RORB: variants seen among roughly 807,000 people sequenced by gnomAD.
The protein encoded by RORB is RAR related orphan receptor B.
RORB carries 6 observed loss-of-function variants against 59.1 expected under a neutral mutation model. The ratio of observed to expected loss-of-function variants is 0.10; its 90% confidence interval spans 0.06 to 0.20. RORB has a LOEUF of 0.20. Ranked by LOEUF, RORB falls within the 10% of genes least tolerant of loss-of-function variation. RORB has a pLI of 1.00. For synonymous variants in RORB, 215 were observed against 204.5 expected (o/e 1.05, Z -0.44); for missense variants, 320 against 560.5 (o/e 0.57, Z 4.33).
At chr9:74,585,760 T>C (rs1312757785) in intron 1 of RORB, among the ~76,000 whole-genome samples, 1 of 131,062 alleles carries the variant, frequency 7.6e-6, no homozygotes, top group East Asian at 2.3e-4. Context: ...TTTAAAAATC[T>C]ACACAGCACT....
intron 1 of RORB, among the ~76,000 whole-genome samples, chr9:74,529,775 G>A (rs182894794): frequency 4.6e-4 from 70 of 151,816 alleles, no homozygotes; most frequent in Admixed American, 8.5e-4. Context: ...TAGCTCCCTG[G>A]TTTCTGTCCT....
At chr9:74,517,883 C>T (rs571939424) in intron 1 of RORB, among the ~76,000 whole-genome samples, 1 of 152,158 alleles carries the variant, frequency 6.6e-6, no homozygotes, top group South Asian at 2.1e-4. Context: ...GTGCTAAATA[C>T]TTCATGTGAA....
At chr9:74,593,994 A>G (rs1406817428) in intron 1 of RORB, among the ~76,000 whole-genome samples, 2 of 152,188 alleles carry the variant, frequency 1.3e-5, no homozygotes, top group African/African-American at 2.4e-5. Flanking sequence ...AAAATTATGT[A>G]ATATATTTTA....
chr9:74,656,041 C>A (rs776018121), intron 4 of RORB, among the ~76,000 whole-genome samples: 25 of 152,282 alleles, frequency 1.6e-4, no homozygotes, highest in Admixed American at 1.4e-3. Context: ...AATAATTTTG[C>A]ATGCTTACCA....
intron 1 of RORB, among the ~76,000 whole-genome samples, chr9:74,559,147 A>T (rs1325075063): frequency 4.6e-5 from 7 of 152,236 alleles, no homozygotes; most frequent in Non-Finnish European, 1.0e-4. Flanking sequence ...GCAAGAGGCA[A>T]AATATATAAA....
intron 9 of RORB, among the ~76,000 whole-genome samples, chr9:74,682,008 T>C (rs958546137): frequency 6.6e-6 from 1 of 152,174 alleles, no homozygotes; most frequent in African/African-American, 2.4e-5. Flanking sequence ...TAAGCTGGCT[T>C]CCTGCCTTCC....
chr9:74,681,914 T>C (rs547906497), intron 9 of RORB, among the ~76,000 whole-genome samples: 176 of 152,320 alleles, frequency 1.2e-3, no homozygotes, highest in African/African-American at 4.2e-3. Context: ...ATTTTGCTTT[T>C]TCATTTCAAT....
At chr9:74,528,820 G>A (rs1826192905) in intron 1 of RORB, among the ~76,000 whole-genome samples, 1 of 151,942 alleles carries the variant, frequency 6.6e-6, no homozygotes, top group African/African-American at 2.4e-5. Flanking sequence ...TCTATCCCAG[G>A]CACTGGATAG....
intron 1 of RORB, among the ~76,000 whole-genome samples, chr9:74,532,235 C>T (rs995645748): frequency 2.6e-5 from 4 of 151,964 alleles, no homozygotes; most frequent in African/African-American, 9.7e-5. Flanking sequence ...TCAACAGTCA[C>T]ATCACATAGA....
chr9:74,633,351 T>C (rs1024340512), intron 2 of RORB, among the ~76,000 whole-genome samples: 2 of 152,194 alleles, frequency 1.3e-5, no homozygotes, highest in African/African-American at 4.8e-5. Context: ...AGAAGCTGTT[T>C]GAGGGAAGTC....
At chr9:74,590,957 A>G (rs922042201) in intron 1 of RORB, among the ~76,000 whole-genome samples, 10 of 151,944 alleles carry the variant, frequency 6.6e-5, no homozygotes, top group Non-Finnish European at 1.5e-4. Context: ...CACCAGGCCC[A>G]GCTAACTTTT....
At chr9:74,516,633 G>A (rs1178905376) in intron 1 of RORB, among the ~76,000 whole-genome samples, 1 of 151,970 alleles carries the variant, frequency 6.6e-6, no homozygotes, top group African/African-American at 2.4e-5. Flanking sequence ...GAGGAGTCAA[G>A]CATGAAGCAG....
intron 1 of RORB, among the ~76,000 whole-genome samples, chr9:74,619,324 A>G (rs1823367194): frequency 6.6e-6 from 1 of 152,212 alleles, no homozygotes; most frequent in South Asian, 2.1e-4. Context: ...TTTATTTAGC[A>G]GTCACCTGTC....
intron 1 of RORB, among the ~76,000 whole-genome samples, chr9:74,578,536 T>C (rs935620699): frequency 2.0e-5 from 3 of 152,022 alleles, no homozygotes; most frequent in African/African-American, 7.2e-5. Context: ...GAACCTAAAA[T>C]TAAAAATGGA....
chr9:74,524,116 G>A (rs1826121589), intron 1 of RORB, among the ~76,000 whole-genome samples: 1 of 149,032 alleles, frequency 6.7e-6, no homozygotes. Flanking sequence ...CTGGAGACAT[G>A]ACCAACCAGT....
chr9:74,691,254 T>C lies in RORB; in HGVS notation c.*5636T>C, dbSNP rs1824736073. On this transcript the variant is annotated 3_prime_UTR_variant, in exon 10 of 10. Transcript: ENST00000376896. ...AAATAAAGCACAAGGGTTACCGGAA[T>C]TGAATGAGCCCTGTTCAGGGCAGCA... The C allele has an allele frequency of 6.6e-6, 1 of 152,242 alleles. No individual in the cohort carries two copies. Among genetic ancestry groups the C allele is most frequent in the African/African-American group, 2.4e-5 (1 of 41,470 alleles). The allele number at this position is 152,242 out of a possible 1,614,324, so 9.4% of individuals were successfully genotyped here.
intron 1 of RORB, among the ~76,000 whole-genome samples, chr9:74,603,554 A>G (rs765960775): frequency 1.3e-5 from 2 of 152,240 alleles, no homozygotes; most frequent in Non-Finnish European, 2.9e-5. Flanking sequence ...TCCTCCAGGC[A>G]AGACTCTAAT....
At chr9:74,654,383 C>T (rs1824047167) in intron 4 of RORB, among the ~76,000 whole-genome samples, 2 of 148,876 alleles carry the variant, frequency 1.3e-5, no homozygotes, top group South Asian at 4.2e-4. Context: ...TAAGGAGACT[C>T]AGCTAATTTC....
chr9:74,523,730 G>A (rs1044251355), intron 1 of RORB, among the ~76,000 whole-genome samples: 27 of 151,956 alleles, frequency 1.8e-4, no homozygotes, highest in African/African-American at 6.3e-4. Context: ...TCTAGAAGAC[G>A]GTTAATCCAA....
Sources: gnomAD v4.1 joint callset for allele counts (sites outside exome capture counted in the v4.1 genomes callset) on GRCh38, gnomAD v4.1.1 for gene constraint, MANE v1.5 for transcripts, NCBI Gene and HGNC (gene_info 2026-07-23, HGNC 2026-07-21) for gene names.